Variants in COLEC12 observed in about 807,000 individuals in gnomAD.
The protein encoded by COLEC12 is collectin subfamily member 12, also known as collectin-12.
In COLEC12, 33 loss-of-function variants were observed where a neutral mutation model predicts 71.1. The ratio of observed to expected loss-of-function variants is 0.46; its 90% CI spans 0.35 to 0.62. The LOEUF is 0.62. Ranked by LOEUF, COLEC12 falls within the 20% of genes least tolerant of loss-of-function variation. The pLI is 0.00. For synonymous variants in COLEC12, 350 were observed against 353.0 expected, an observed-to-expected ratio of 0.99 and a Z score of 0.10; for missense variants, 765 against 916.1, an observed-to-expected ratio of 0.84 and a Z score of 2.13.
At chr18:424,971 C>G (rs111925408) in intron 2 of COLEC12, among the ~76,000 whole-genome samples, 2,384 of 152,164 alleles carry the variant, frequency 0.016, 60 homozygotes, top group African/African-American at 0.053. Context: ...GGGCGGCCTT[C>G]CCTTACTCAC....
intron 2 of COLEC12, among the ~76,000 whole-genome samples, chr18:372,122 C>G (rs1045035756): frequency 2.0e-5 from 3 of 152,336 alleles, no homozygotes; most frequent in Admixed American, 6.5e-5. Flanking sequence ...CCACCTCCCC[C>G]CATTCAGGGA....
At chr18:496,881 C>G (rs1379031357) in intron 1 of COLEC12, among the ~76,000 whole-genome samples, 1 of 152,102 alleles carries the variant, frequency 6.6e-6, no homozygotes, top group African/African-American at 2.4e-5. Flanking sequence ...CTTTAAGAAC[C>G]AAGAATGTGA....
intron 2 of COLEC12, among the ~76,000 whole-genome samples, chr18:443,873 G>A (rs1271155450): frequency 2.0e-5 from 3 of 152,130 alleles, no homozygotes; most frequent in Non-Finnish European, 4.4e-5. Context: ...GAGTTCTCAT[G>A]AGATCTGGTC....
At chr18:440,093 A>C (rs1916484903) in intron 2 of COLEC12, among the ~76,000 whole-genome samples, 1 of 151,954 alleles carries the variant, frequency 6.6e-6, no homozygotes, top group Non-Finnish European at 1.5e-5. Context: ...ATGCTAAGTG[A>C]AGTAAGCCAG....
intron 3 of COLEC12, among the ~76,000 whole-genome samples, chr18:357,082 T>C (rs934734967): frequency 7.3e-5 from 11 of 150,572 alleles, no homozygotes; most frequent in African/African-American, 2.2e-4. Flanking sequence ...CTCCAAGAGA[T>C]AGGACGAAAG....
At chr18:411,936 G>C (rs1915900094) in intron 2 of COLEC12, among the ~76,000 whole-genome samples, 2 of 152,198 alleles carry the variant, frequency 1.3e-5, no homozygotes, top group Admixed American at 6.5e-5. Context: ...AATATAGATT[G>C]AAAAGCAAAT....
At chr18:322,531 A>T (rs1455442565) in intron 8 of COLEC12, among the ~76,000 whole-genome samples, 1 of 152,218 alleles carries the variant, frequency 6.6e-6, no homozygotes, top group Non-Finnish European at 1.5e-5. Context: ...GCTGCTCAGA[A>T]CAGCACCTTG....
intron 1 of COLEC12, among the ~76,000 whole-genome samples, chr18:499,383 C>G (rs1468044604): frequency 6.6e-6 from 1 of 152,196 alleles, no homozygotes; most frequent in Non-Finnish European, 1.5e-5. Flanking sequence ...ATCATCGCTC[C>G]GGTTAGTTCC....
At chr18:368,383 G>A (rs1490150214) in intron 2 of COLEC12, among the ~76,000 whole-genome samples, 3 of 152,068 alleles carry the variant, frequency 2.0e-5, no homozygotes, top group Non-Finnish European at 4.4e-5. Context: ...GACCAGCCTG[G>A]CCAATATGGT....
rs371593689 is a variant in COLEC12, at chr18:480,729, T to C, written c.36A>G (p.Gln12=). The change falls in exon 2 of 10, where the codon CAA becomes CAG. Residue 12 remains glutamine, a synonymous_variant. Coordinates refer to ENST00000400256, the MANE Select transcript of COLEC12 (RefSeq NM_130386.3). The surrounding 1 kb of genome is among the most constrained non-coding windows in gnomAD (Gnocchi z 4.1). ...KDDFAEEEEV[Q]SFGYKRFGIQ... ...CACCAAACCGCTTGTAACCGAAGGATTGCACCTCCTCCTCCTCTGCGAAGT... is the reference window on the plus strand; with the variant it reads ...CACCAAACCGCTTGTAACCGAAGGACTGCACCTCCTCCTCCTCTGCGAAGT... 34 of 1,613,818 alleles carry C rather than the reference T, an allele frequency of 2.1e-5. No homozygotes were observed. The highest frequency in any genetic ancestry group is 1.1e-4 in the African/African-American group (8 of 74,856).
At chr18:321,493 T>C (rs1169449410) in intron 9 of COLEC12, among the ~76,000 whole-genome samples, 169 bp downstream of exon 9, 1 of 152,274 alleles carries the variant, frequency 6.6e-6, no homozygotes, top group Non-Finnish European at 1.5e-5. Flanking sequence ...GTGAAGAAGA[T>C]GCTATTACTA....
intron 4 of COLEC12, among the ~76,000 whole-genome samples, 185 bp from the exon 5 acceptor site, chr18:347,526 AAAG>A (rs1328993308): frequency 4.6e-5 from 7 of 152,210 alleles, no homozygotes; most frequent in Non-Finnish European, 1.0e-4. Flanking sequence ...GGGAATCGGA[AAAG>A]AAGCTCAGAA....
rs949937152 is a variant in COLEC12 at position 362,916 on chromosome 18, C to T, written c.59-5394G>A. ...GTGAAGCCAAAATCGCTCTGGTTAA[C>T]TCCTTGAGTATTCCATGGAAGTTCA... is the stretch of plus-strand genomic sequence containing the variant. On this transcript the variant is annotated intron_variant, in intron 2 of 9. Transcript: ENST00000400256. The surrounding 1 kb of genome is among the most constrained non-coding windows in gnomAD (Gnocchi z 4.6). Among the ~76,000 whole-genome samples the T allele has an allele frequency of 6.6e-6, 1 of 152,140 alleles. No homozygotes were observed. Among genetic ancestry groups the T allele is most frequent in the African/African-American group, 2.4e-5 (1 of 41,420 alleles).
At chr18:384,754 G>A (rs1376274943) in intron 2 of COLEC12, among the ~76,000 whole-genome samples, 1 of 152,048 alleles carries the variant, frequency 6.6e-6, no homozygotes, top group East Asian at 1.9e-4. Context: ...TTGATTCTAG[G>A]GGCTCAATGG....
intron 8 of COLEC12, among the ~76,000 whole-genome samples, chr18:330,330 C>G (rs1470169332): frequency 2.0e-5 from 3 of 152,026 alleles, no homozygotes; most frequent in Non-Finnish European, 4.4e-5. Flanking sequence ...CCTGAAACAC[C>G]CTTGTTTTCT....
chr18:398,018 C>A (rs1915605860), intron 2 of COLEC12, among the ~76,000 whole-genome samples: 1 of 152,094 alleles, frequency 6.6e-6, no homozygotes, highest in Non-Finnish European at 1.5e-5. Context: ...AATACTTACA[C>A]AGGTCCATGG....
At chr18:347,502 A>T (rs2143475648) in intron 4 of COLEC12, among the ~76,000 whole-genome samples, 161 bp from the exon 5 acceptor site, 1 of 152,350 alleles carries the variant, frequency 6.6e-6, no homozygotes, top group East Asian at 1.9e-4. Context: ...CATATCTATT[A>T]AAACTGGGTC....
chr18:462,865 T>C (rs999435224), intron 2 of COLEC12, among the ~76,000 whole-genome samples: 8 of 152,220 alleles, frequency 5.3e-5, no homozygotes, highest in Non-Finnish European at 1.2e-4. Flanking sequence ...TGTTGAAGCC[T>C]ATACGTTTCT....
At chr18:389,375 T>C (rs1915414003) in intron 2 of COLEC12, among the ~76,000 whole-genome samples, 2 of 151,218 alleles carry the variant, frequency 1.3e-5, no homozygotes, top group South Asian at 2.1e-4. Context: ...GCCTCCCAGG[T>C]TCAAGTCATT....
Sources: gnomAD v4.1 joint callset for allele counts (sites outside exome capture counted in the v4.1 genomes callset) on GRCh38, gnomAD v4.1.1 for gene constraint, Gnocchi (gnomAD v3.1) non-coding constraint, MANE v1.5 for transcripts, NCBI Gene and HGNC (gene_info 2026-07-23, HGNC 2026-07-21) for gene names.